Variants in KCNH1 observed in about 807,000 individuals in gnomAD.
The protein encoded by KCNH1 is voltage-gated delayed rectifier potassium channel KCNH1.
A neutral mutation model predicts 69.2 loss-of-function variants in KCNH1; 27 were observed. The ratio of observed to expected loss-of-function variants is 0.39; its 90% confidence interval spans 0.29 to 0.54. The LOEUF (loss-of-function observed/expected upper bound fraction) is 0.54. Ranked by LOEUF, KCNH1 falls within the 20% of genes least tolerant of loss-of-function variation. KCNH1 has a pLI of 0.68. For synonymous variants in KCNH1, 456 were observed against 487.7 expected, an observed-to-expected ratio of 0.93 and a Z score of 0.86; for missense variants, 798 against 1,261.6, an observed-to-expected ratio of 0.63 and a Z score of 5.57.
chr1:210,800,164 G>A lies in KCNH1; in HGVS notation c.1663-2404C>T, dbSNP rs151086978. On this transcript the variant is annotated intron_variant, in intron 8 of 10. Coordinates refer to ENST00000271751, the MANE Select transcript of KCNH1 (RefSeq NM_172362.3). ...CCCATCAAGCGAGCATGCCCTCTGG[G>A]AGTACAGACACAGGACAGACCAAGG... is the stretch of plus-strand genomic sequence containing the variant. Among the ~76,000 whole-genome samples, 11 of 152,352 alleles carry A rather than the reference G, an allele frequency of 7.2e-5. No homozygotes were observed. In the East Asian group the frequency reaches 1.7e-3, roughly 24 times the overall value.
intron 7 of KCNH1, among the ~76,000 whole-genome samples, chr1:210,857,842 C>A (rs977694917): frequency 1.3e-5 from 2 of 152,152 alleles, no homozygotes; most frequent in African/African-American, 4.8e-5. Flanking sequence ...AATCTCTCTA[C>A]GCTGTCTTTT....
At chr1:210,891,591 T>C (rs2102523317) in intron 7 of KCNH1, among the ~76,000 whole-genome samples, 2 of 151,068 alleles carry the variant, frequency 1.3e-5, no homozygotes, top group East Asian at 3.9e-4. Flanking sequence ...ATGTGGAGAA[T>C]AGGAATGCTT....
intron 5 of KCNH1, among the ~76,000 whole-genome samples, chr1:211,077,481 A>G (rs374098437): frequency 6.6e-6 from 1 of 152,206 alleles, no homozygotes; most frequent in African/African-American, 2.4e-5. Flanking sequence ...ATAATTTTCA[A>G]CCCAGAAGTT....
At chr1:211,017,592 T>G (rs979073915) in intron 6 of KCNH1, among the ~76,000 whole-genome samples, 9 of 152,160 alleles carry the variant, frequency 5.9e-5, no homozygotes, top group Non-Finnish European at 8.8e-5. Flanking sequence ...GAAGGACAAT[T>G]CCCATAGAAC....
chr1:211,085,695 G>A (rs1180374840), intron 4 of KCNH1, among the ~76,000 whole-genome samples: 1 of 152,182 alleles, frequency 6.6e-6, no homozygotes, highest in Non-Finnish European at 1.5e-5. Flanking sequence ...CGACTGGGGT[G>A]ACAGCTAATC....
chr1:210,832,219 A>T (rs1301480378), intron 7 of KCNH1, among the ~76,000 whole-genome samples: 1 of 152,042 alleles, frequency 6.6e-6, no homozygotes, highest in Non-Finnish European at 1.5e-5. Flanking sequence ...AAAACAGAGA[A>T]CTCCTGGTAA....
chr1:210,923,765 T>C (rs1687511749), intron 6 of KCNH1, among the ~76,000 whole-genome samples: 1 of 152,238 alleles, frequency 6.6e-6, no homozygotes, highest in African/African-American at 2.4e-5. Flanking sequence ...TCAGGAACTA[T>C]ACCTTTCTGA....
intron 9 of KCNH1, among the ~76,000 whole-genome samples, chr1:210,777,021 G>GA (rs1255825328): frequency 6.6e-6 from 1 of 152,082 alleles, no homozygotes; most frequent in Non-Finnish European, 1.5e-5. Flanking sequence ...CAAGAGGAAG[G>GA]AAAAAATGCT....
intron 8 of KCNH1, among the ~76,000 whole-genome samples, chr1:210,798,216 T>C (rs1301335131): frequency 6.6e-6 from 1 of 151,920 alleles, no homozygotes; most frequent in Admixed American, 6.6e-5. Context: ...ATTTTTTGTA[T>C]TTTTAGTAGA....
intron 3 of KCNH1, among the ~76,000 whole-genome samples, chr1:211,094,577 G>A (rs538607212): frequency 2.0e-5 from 3 of 152,254 alleles, no homozygotes; most frequent in Non-Finnish European, 2.9e-5. Flanking sequence ...TCTTACCACC[G>A]GGCACCCCTA....
At chr1:211,107,215 T>C (rs765430411) in intron 2 of KCNH1, 39 bp downstream of exon 2, 2 of 1,610,738 alleles carry the variant, frequency 1.2e-6, no homozygotes, top group Non-Finnish European at 1.7e-6. Flanking sequence ...AAAGATACCA[T>C]AATAGATTGT....
intron 10 of KCNH1, among the ~76,000 whole-genome samples, chr1:210,692,024 A>G (rs1428829357): frequency 6.6e-6 from 1 of 152,196 alleles, no homozygotes; most frequent in Non-Finnish European, 1.5e-5. Context: ...TAGAGGCTAG[A>G]GCTGTTCTGT....
Position 211,122,109 on chromosome 1 carries a change from G to T in KCNH1, c.79+11758C>A, listed in dbSNP as rs542181388. Among the ~76,000 whole-genome samples the T allele has an allele frequency of 5.3e-5, 8 of 152,150 alleles. No individual in the cohort carries two copies. In the South Asian group the frequency reaches 1.7e-3, roughly 32 times the overall value. ...GCCAAGATCATGCCACTGCACTCCAGCCTGGGCGACAGTGAGACTCCGTCT... is the reference window on the plus strand; with the variant it reads ...GCCAAGATCATGCCACTGCACTCCATCCTGGGCGACAGTGAGACTCCGTCT... On this transcript the variant is annotated intron_variant, in intron 1 of 10. Transcript: ENST00000271751.
At chr1:210,818,423 G>GC (rs1684861671) in intron 7 of KCNH1, among the ~76,000 whole-genome samples, 1 of 152,102 alleles carries the variant, frequency 6.6e-6, no homozygotes, top group Non-Finnish European at 1.5e-5. Context: ...CAAATCTACT[G>GC]CATCATAGTA....
chr1:210,864,070 G>A (rs1175188637), intron 7 of KCNH1, among the ~76,000 whole-genome samples: 1 of 152,218 alleles, frequency 6.6e-6, no homozygotes, highest in African/African-American at 2.4e-5. Flanking sequence ...ATTGCTAAGG[G>A]TAGAGCTAAT....
intron 7 of KCNH1, among the ~76,000 whole-genome samples, chr1:210,808,964 C>T (rs1395319646): frequency 6.6e-6 from 1 of 152,046 alleles, no homozygotes; most frequent in Non-Finnish European, 1.5e-5. Flanking sequence ...AATGTGGATT[C>T]TTTGGGTCCT....
chr1:210,944,210 A>G (rs1253011875), intron 6 of KCNH1, among the ~76,000 whole-genome samples: 1 of 152,238 alleles, frequency 6.6e-6, no homozygotes, highest in Non-Finnish European at 1.5e-5. Context: ...GGTGTTTTTT[A>G]GAAACTTAAA....
At chr1:211,055,037 C>T (rs538650893) in intron 5 of KCNH1, among the ~76,000 whole-genome samples, 22 of 152,122 alleles carry the variant, frequency 1.4e-4, no homozygotes, top group Admixed American at 1.4e-3. Context: ...CAGCGATAAC[C>T]CCCTCCACAA....
chr1:210,982,998 A>G (rs1044484077), intron 6 of KCNH1, among the ~76,000 whole-genome samples: 1 of 152,060 alleles, frequency 6.6e-6, no homozygotes, highest in East Asian at 1.9e-4. Flanking sequence ...TGTGGTTTTG[A>G]TTTGTGTTTC....
Sources: allele counts gnomAD v4.1 joint callset (sites outside exome capture counted in the v4.1 genomes callset), GRCh38; gene constraint gnomAD v4.1.1; transcripts MANE v1.5; gene names NCBI Gene and HGNC (gene_info 2026-07-23, HGNC 2026-07-21).